The following RNF10 variants were observed in gnomAD, a reference collection of about 807,000 sequenced individuals.
RNF10 encodes the protein ring finger protein 10.
A neutral mutation model predicts 91.4 loss-of-function variants in RNF10; 38 were observed. That is an observed-to-expected ratio of 0.42 (90% confidence interval 0.32 to 0.54). The LOEUF is 0.54. Among genes scored for constraint, RNF10 ranks in the 20% least tolerant of loss-of-function variants. The pLI is 0.16. For synonymous variants in RNF10, 364 were observed against 366.3 expected, an observed-to-expected ratio of 0.99 and a Z score of 0.07; for missense variants, 945 against 1,012.0, an observed-to-expected ratio of 0.93 and a Z score of 0.90.
chr12:120,545,879 A>G (rs1872256216), intron 1 of RNF10, among the ~76,000 whole-genome samples: 1 of 152,200 alleles, frequency 6.6e-6, no homozygotes, highest in African/African-American at 2.4e-5. Context: ...TGTTCTGTCA[A>G]TTTAACAGCT....
chr12:120,557,561 G>A lies in RNF10; in HGVS notation c.846G>A (p.Glu282=). The part of the protein sequence containing the change: ...KKDLKSVVAT[E]SHQYVVGDTI... ...CATGTTTCAGTGTTGTTGCCACAGAGTCACATCAGTATGTTGTTGGTGATA... is the reference window on the plus strand; with the variant it reads ...CATGTTTCAGTGTTGTTGCCACAGAATCACATCAGTATGTTGTTGGTGATA... Residue 282 remains glutamate (E), a synonymous_variant, in exon 6 of 17, where the codon GAG becomes GAA. Transcript: ENST00000325954. 1 of 1,614,188 alleles carries A rather than the reference G, an allele frequency of 6.2e-7. No homozygotes were observed. Among genetic ancestry groups the A allele is most frequent in the Non-Finnish European group, 8.5e-7 (1 of 1,180,032 alleles).
chr12:120,566,215 A>C (rs1875670063), intron 12 of RNF10, among the ~76,000 whole-genome samples: 1 of 152,220 alleles, frequency 6.6e-6, no homozygotes, highest in Non-Finnish European at 1.5e-5. Flanking sequence ...CTGAACTTTG[A>C]GAAAACTGAT....
At chr12:120,549,544 G>A (rs1872745598) in intron 2 of RNF10, among the ~76,000 whole-genome samples, 1 of 152,198 alleles carries the variant, frequency 6.6e-6, no homozygotes, top group East Asian at 1.9e-4. Context: ...CAGCACTTTG[G>A]GAGGCCAAGG....
chr12:120,536,312 T>C (rs1022626014), intron 1 of RNF10, among the ~76,000 whole-genome samples: 2 of 151,950 alleles, frequency 1.3e-5, no homozygotes, highest in African/African-American at 4.8e-5. Context: ...TAACCCTACC[T>C]ACTTGGAAGG....
chr12:120,558,510 C>G (rs976968649), intron 6 of RNF10, among the ~76,000 whole-genome samples: 1 of 150,306 alleles, frequency 6.7e-6, no homozygotes, highest in Non-Finnish European at 1.5e-5. Context: ...ATGATAGATG[C>G]TGTAAAAGAC....
At chr12:120,551,614 AT>A (rs1565952261) in intron 2 of RNF10, among the ~76,000 whole-genome samples, 1 of 150,994 alleles carries the variant, frequency 6.6e-6, no homozygotes. Context: ...TCCTGATTTT[AT>A]TTTTAAATTT....
intron 1 of RNF10, among the ~76,000 whole-genome samples, chr12:120,544,627 G>T (rs1403814484): frequency 6.6e-6 from 1 of 152,200 alleles, no homozygotes; most frequent in Non-Finnish European, 1.5e-5. Flanking sequence ...CTGCACTCTA[G>T]CCTGGGTGAC....
chr12:120,546,237 C>G (rs921817460), intron 1 of RNF10, among the ~76,000 whole-genome samples, 168 bp from the exon 2 acceptor site: 1 of 143,182 alleles, frequency 7.0e-6, no homozygotes, highest in African/African-American at 3.0e-5. Context: ...AAAAAACACT[C>G]TACTATGTGT....
At chr12:120,567,879 G>A (rs372688477) in intron 13 of RNF10, among the ~76,000 whole-genome samples, 16 of 141,588 alleles carry the variant, frequency 1.1e-4, no homozygotes, top group South Asian at 2.3e-4. Flanking sequence ...GTGTGTGTGT[G>A]TGTATGTATA....
chr12:120,550,708 T>A (rs1176023756), intron 2 of RNF10, among the ~76,000 whole-genome samples: 1 of 151,168 alleles, frequency 6.6e-6, no homozygotes, highest in African/African-American at 2.4e-5. Flanking sequence ...GGCATTCTCC[T>A]GCCTCAGCCT....
intron 7 of RNF10, among the ~76,000 whole-genome samples, chr12:120,562,336 G>A (rs1248241407): frequency 2.7e-5 from 4 of 146,610 alleles, no homozygotes; most frequent in Non-Finnish European, 6.0e-5. Context: ...GTGCAGTGGC[G>A]TGATCTCGGC....
rs751555609 is a variant in RNF10, at chr12:120,552,611, A to G, written c.467A>G (p.His156Arg). The change falls in exon 3 of 17, where the codon CAC (histidine) becomes CGC (arginine). Residue 156 changes from histidine (H) to arginine (R), a missense_variant. Coordinates refer to ENST00000325954, the MANE Select transcript of RNF10 (RefSeq NM_014868.5). ...TTTGAACCCCGTGGCCAGACGGGTC[A>G]CTTTGAAGGCAGTGGACATGGTAGC... ...FTFEPRGQTG[H>R]FEGSGHGSWG... The G allele has an allele frequency of 2.5e-5, 40 of 1,614,092 alleles. No homozygotes were observed. The highest frequency in any genetic ancestry group is 1.7e-5 in the Admixed American group (1 of 60,004).
At chr12:120,548,953 A>C (rs777902220) in intron 2 of RNF10, among the ~76,000 whole-genome samples, 44 of 151,944 alleles carry the variant, frequency 2.9e-4, no homozygotes, top group Non-Finnish European at 4.4e-4. Context: ...TACAGGCATG[A>C]GCCACCGCGC....
chr12:120,552,763 G>C, intron 3 of RNF10, 65 bp downstream of exon 3: 3 of 1,405,630 alleles, frequency 2.1e-6, no homozygotes, highest in Non-Finnish European at 2.9e-6. Context: ...TGGTGCCTCT[G>C]TGAGAGGCTT....
chr12:120,559,267 C>T (rs1381750094), intron 6 of RNF10, among the ~76,000 whole-genome samples: 7 of 148,150 alleles, frequency 4.7e-5, no homozygotes, highest in African/African-American at 1.8e-4. Flanking sequence ...CTGCAACCTC[C>T]ACCTCCTCGG....
At position 120,563,360 on chromosome 12, in the gene RNF10, ATCTG is replaced by A; in HGVS notation, c.1273_1276del (p.Ser425ProfsTer24). On this transcript the variant is annotated frameshift_variant, in exon 9 of 17. Transcript: ENST00000325954. LOFTEE classifies it high-confidence loss of function. Reference sequence around the variant, plus strand: ...TTGCTGCAACAGGGTGTGCTGGAGTATCTGTCTGCCTTCGATGAAGAAACCACGG... The same window carrying A: ...TTGCTGCAACAGGGTGTGCTGGAGTATCTGCCTTCGATGAAGAAACCACGG... 6.2e-7 allele frequency: 1 copy of A among 1,611,706 alleles called. No individual in the cohort carries two copies. Among genetic ancestry groups the A allele is most frequent in the Non-Finnish European group, 8.5e-7 (1 of 1,179,454 alleles).
Position 120,534,599 on chromosome 12 carries a change from C to A in RNF10, c.-213C>A. ...CCGGACTCCCGAGCCCCGGCCTCCT[C>A]GTCCTCGGTCGCCGCTGCCGCCGGG... On this transcript the variant is annotated 5_prime_UTR_variant, in exon 1 of 17. Transcript: ENST00000325954. The A allele has an allele frequency of 8.4e-7, 1 of 1,186,768 alleles. No homozygotes were observed. Among genetic ancestry groups the A allele is most frequent in the Non-Finnish European group, 1.1e-6 (1 of 926,286 alleles). The allele number at this position is 1,186,768 out of a possible 1,614,324, so 73.5% of individuals were successfully genotyped here.
chr12:120,536,688 T>C (rs1193615052), intron 1 of RNF10, among the ~76,000 whole-genome samples: 1 of 152,218 alleles, frequency 6.6e-6, no homozygotes, highest in Admixed American at 6.5e-5. Context: ...GTGTTGGAAC[T>C]GGTTTAGAGT....
intron 6 of RNF10, among the ~76,000 whole-genome samples, chr12:120,558,603 C>G (rs1389406736): frequency 6.6e-6 from 1 of 151,216 alleles, no homozygotes; most frequent in Non-Finnish European, 1.5e-5. Context: ...GAGTCTGGCT[C>G]TGTCACCCAG....
Sources: gnomAD v4.1 joint callset for allele counts (sites outside exome capture counted in the v4.1 genomes callset) on GRCh38, gnomAD v4.1.1 for gene constraint, MANE v1.5 for transcripts, NCBI Gene and HGNC (gene_info 2026-07-23, HGNC 2026-07-21) for gene names.